The following RMP64 variants were observed in gnomAD, a reference collection of about 807,000 sequenced individuals.
RMP64 encodes the protein nucleolus and neural progenitor protein.
the RMP64 span, among the ~76,000 whole-genome samples, chr3:113,006,344 A>G: frequency 2.6e-5 from 4 of 152,362 alleles, no homozygotes; most frequent in South Asian, 6.2e-4. Context: ...ATGAGTGGAC[A>G]TGAGGAAACA....
At chr3:113,005,733 T>A in the RMP64 span, 1 of 1,614,086 alleles carries the variant, frequency 6.2e-7, no homozygotes, top group Non-Finnish European at 8.5e-7. Context: ...AGCTGCTTAC[T>A]GTTAGGGTAG....
chr3:113,010,616 A>G, the RMP64 span: 2 of 1,585,686 alleles, frequency 1.3e-6, no homozygotes, highest in East Asian at 4.5e-5. Context: ...AGAAATCATA[A>G]GCTAAATTTA....
chr3:113,008,701 G>C, the RMP64 span: 1 of 294,200 alleles, frequency 3.4e-6, no homozygotes, highest in Non-Finnish European at 6.3e-6. Context: ...AAATTTTTTT[G>C]CTCACTAAGC....
chr3:113,010,352 A>T, the RMP64 span, among the ~76,000 whole-genome samples: 1 of 152,220 alleles, frequency 6.6e-6, no homozygotes, highest in Non-Finnish European at 1.5e-5. Flanking sequence ...TGCAAAGCCT[A>T]TACTCTTAAG....
At chr3:113,016,746 TA>T in the RMP64 span, among the ~76,000 whole-genome samples, 1 of 152,224 alleles carries the variant, frequency 6.6e-6, no homozygotes, top group Admixed American at 6.5e-5. Flanking sequence ...TACACAGCAC[TA>T]AGCAGAATGC....
At chr3:113,016,210 A>G in the RMP64 span, among the ~76,000 whole-genome samples, 1 of 152,316 alleles carries the variant, frequency 6.6e-6, no homozygotes, top group East Asian at 1.9e-4. Context: ...CTCAGGACAC[A>G]ATGGAGAACG....
chr3:113,011,100 AT>A, the RMP64 span: 1 of 1,612,454 alleles, frequency 6.2e-7, no homozygotes, highest in Non-Finnish European at 8.5e-7. Context: ...TATTCTGTAC[AT>A]TGATCTTCAT....
At chr3:113,013,302 C>T in the RMP64 span, 12 of 1,613,768 alleles carry the variant, frequency 7.4e-6, no homozygotes, top group African/African-American at 8.0e-5. Flanking sequence ...GTCCAACAAG[C>T]GGAGCAACAA....
chr3:113,015,872 A>T, the RMP64 span, among the ~76,000 whole-genome samples: 1 of 151,984 alleles, frequency 6.6e-6, no homozygotes, highest in Non-Finnish European at 1.5e-5. Context: ...AAAAAAAAAA[A>T]AAAAAGCAAC....
chr3:113,008,077 T>C, the RMP64 span: 1 of 1,165,528 alleles, frequency 8.6e-7, no homozygotes, highest in Non-Finnish European at 1.2e-6. Flanking sequence ...CTGCGGCTGC[T>C]GGACATCACA....
At chr3:113,008,603 T>C in the RMP64 span, 1 of 560,400 alleles carries the variant, frequency 1.8e-6, no homozygotes, top group Admixed American at 3.0e-5. Flanking sequence ...ACTATATGCT[T>C]ATAACAAAAT....
the RMP64 span, chr3:113,019,382 A>G: frequency 1.6e-6 from 1 of 615,262 alleles, no homozygotes; most frequent in Non-Finnish European, 2.9e-6. Flanking sequence ...AAGCTACACC[A>G]GCAAAGTGCT....
chr3:113,019,649 C>T, the RMP64 span: 2 of 1,611,692 alleles, frequency 1.2e-6, no homozygotes, highest in South Asian at 1.1e-5. Flanking sequence ...AGCCATCATG[C>T]GAGGCGGGGG....
chr3:113,008,079 G>A, the RMP64 span: 1 of 1,178,260 alleles, frequency 8.5e-7, no homozygotes, highest in Non-Finnish European at 1.2e-6. Flanking sequence ...GCGGCTGCTG[G>A]ACATCACATT....
chr3:113,017,469 T>C, the RMP64 span: 1 of 1,613,622 alleles, frequency 6.2e-7, no homozygotes, highest in Non-Finnish European at 8.5e-7. Context: ...CCAAATGGGG[T>C]TTGTGGCGGC....
the RMP64 span, among the ~76,000 whole-genome samples, chr3:113,017,146 G>A: frequency 6.6e-6 from 1 of 152,060 alleles, no homozygotes; most frequent in African/African-American, 2.4e-5. Flanking sequence ...CTTTGAGCTG[G>A]GCAAAGGCAC....
At chr3:113,008,064 C>T in the RMP64 span, 2 of 969,078 alleles carry the variant, frequency 2.1e-6, no homozygotes, top group East Asian at 2.5e-5. Context: ...CAATTTAGCC[C>T]CGCTGCGGCT....
At chr3:113,017,621 A>G in the RMP64 span, 3 of 1,607,422 alleles carry the variant, frequency 1.9e-6, no homozygotes, top group East Asian at 4.5e-5. Context: ...GAGACATCTA[A>G]TAAGATTTAG....
At chr3:113,008,595 T>C in the RMP64 span, 2 of 586,442 alleles carry the variant, frequency 3.4e-6, no homozygotes, top group Non-Finnish European at 6.0e-6. Flanking sequence ...TATTATGCAC[T>C]ATATGCTTAT....
Sources: gnomAD v4.1 joint callset for allele counts (sites outside exome capture counted in the v4.1 genomes callset) on GRCh38, gnomAD v4.1.1 for gene constraint, MANE v1.5 for transcripts, NCBI Gene and HGNC (gene_info 2026-07-23, HGNC 2026-07-21) for gene names.